EPHB1: variants seen among roughly 807,000 people sequenced by gnomAD.
EPHB1 encodes the protein EPH receptor B1.
Under a neutral mutation model 94.4 loss-of-function variants are expected in EPHB1, and 30 were observed. The ratio of observed to expected loss-of-function variants is 0.32; its 90% CI spans 0.24 to 0.43. The LOEUF is 0.43. Ranked by LOEUF, EPHB1 falls within the 20% of genes least tolerant of loss-of-function variation. The pLI is 1.00. For missense variants in EPHB1, 1,055 were observed against 1,308.3 expected (o/e 0.81, Z 2.99); for synonymous variants, 522 against 489.1 (o/e 1.07, Z -0.89).
At chr3:135,183,595 G>A (rs978817747) in intron 10 of EPHB1, among the ~76,000 whole-genome samples, 1 of 152,212 alleles carries the variant, frequency 6.6e-6, no homozygotes, top group Admixed American at 6.5e-5. Context: ...GTGAGAGGAA[G>A]GCAGTGATTG....
At chr3:135,163,150 T>C (rs1435422841) in intron 7 of EPHB1, among the ~76,000 whole-genome samples, 1 of 152,236 alleles carries the variant, frequency 6.6e-6, no homozygotes, top group Non-Finnish European at 1.5e-5. Flanking sequence ...TTGATAGGGC[T>C]TGAGATTTTA....
chr3:134,796,384 G>A (rs1315245071), intron 1 of EPHB1: 2 of 152,722 alleles, frequency 1.3e-5, no homozygotes, highest in African/African-American at 2.4e-5. Context: ...TGGAACAGGA[G>A]TGGGCTGGGG....
At chr3:134,858,345 TG>T in intron 1 of EPHB1, among the ~76,000 whole-genome samples, 1 of 152,282 alleles carries the variant, frequency 6.6e-6, no homozygotes, top group East Asian at 1.9e-4. Flanking sequence ...TGTGTGTCTG[TG>T]AACACTGGCA....
chr3:134,956,286 T>C (rs1328150023), intron 3 of EPHB1, among the ~76,000 whole-genome samples: 1 of 152,128 alleles, frequency 6.6e-6, no homozygotes, highest in Non-Finnish European at 1.5e-5. Flanking sequence ...TATGCATATG[T>C]GGATCTGTTC....
rs543294375 is a variant in EPHB1 at position 134,894,885 on chromosome 3, GTTTCTCT to G, written c.59-30922_59-30916del. 1.2e-3 allele frequency among the ~76,000 whole-genome samples: 179 copies of G among 152,284 alleles called. No individual in the cohort carries two copies. The South Asian group carries it at 0.012, about 10-fold the overall frequency. On this transcript the variant is annotated intron_variant, in intron 1 of 15. Transcript: ENST00000398015. ...TTCCCCTAACTGGTGTTTTTCTGTG[GTTTCTCT>G]TTTCTCTTCTTTCCTGGGAATGAAG...
intron 2 of EPHB1, among the ~76,000 whole-genome samples, chr3:134,928,482 C>T (rs956352166): frequency 6.6e-6 from 1 of 152,206 alleles, no homozygotes; most frequent in Non-Finnish European, 1.5e-5. Context: ...TAGTTCACTA[C>T]CTGACTCAAT....
chr3:135,121,747 G>A (rs1336579018), intron 4 of EPHB1, among the ~76,000 whole-genome samples: 6 of 152,080 alleles, frequency 3.9e-5, no homozygotes, highest in East Asian at 1.9e-4. Context: ...GGGGCCCTAG[G>A]CAAGGAGATG....
chr3:135,195,483 C>T (rs1559870518), intron 11 of EPHB1, among the ~76,000 whole-genome samples: 2 of 151,204 alleles, frequency 1.3e-5, no homozygotes, highest in South Asian at 2.1e-4. Flanking sequence ...ATCCCTCCCC[C>T]ATCTCCCCAC....
intron 3 of EPHB1, among the ~76,000 whole-genome samples, chr3:135,084,182 A>T (rs773314274): frequency 1.3e-5 from 2 of 152,214 alleles, no homozygotes; most frequent in Non-Finnish European, 2.9e-5. Flanking sequence ...AGTTTATTGC[A>T]AAATATTTAT....
chr3:135,203,829 C>T (rs1329025673), intron 12 of EPHB1, among the ~76,000 whole-genome samples: 2 of 152,106 alleles, frequency 1.3e-5, no homozygotes, highest in Non-Finnish European at 2.9e-5. Context: ...GCCAAGATTA[C>T]TTTTATGAAA....
At chr3:135,107,630 A>G (rs1939271618) in intron 4 of EPHB1, among the ~76,000 whole-genome samples, 1 of 152,202 alleles carries the variant, frequency 6.6e-6, no homozygotes, top group Admixed American at 6.5e-5. Context: ...ATCACAGAAG[A>G]ATATTTCATT....
chr3:135,109,776 C>T (rs1388134599), intron 4 of EPHB1, among the ~76,000 whole-genome samples: 2 of 152,204 alleles, frequency 1.3e-5, no homozygotes, highest in Admixed American at 1.3e-4. Flanking sequence ...GAGAAGCTGC[C>T]GAGCTCGCTG....
chr3:134,926,794 G>T (rs373965602), intron 2 of EPHB1, among the ~76,000 whole-genome samples: 2 of 152,200 alleles, frequency 1.3e-5, no homozygotes, highest in Non-Finnish European at 2.9e-5. Context: ...CAGGATTGTC[G>T]AGAACAGTTG....
At chr3:135,176,132 G>A (rs1160573102) in intron 9 of EPHB1, among the ~76,000 whole-genome samples, 4 of 152,064 alleles carry the variant, frequency 2.6e-5, no homozygotes, top group Non-Finnish European at 4.4e-5. Context: ...GAGATGAGGC[G>A]GATACAGGGG....
chr3:134,843,799 C>G (rs2036819163), intron 1 of EPHB1, among the ~76,000 whole-genome samples: 1 of 152,014 alleles, frequency 6.6e-6, no homozygotes, highest in African/African-American at 2.4e-5. Flanking sequence ...TATACTTTCT[C>G]TAGTTATTTA....
chr3:135,257,955 G>A (rs375104526), intron 15 of EPHB1, among the ~76,000 whole-genome samples: 48 of 152,272 alleles, frequency 3.2e-4, no homozygotes, highest in African/African-American at 4.3e-4. Flanking sequence ...TGCAGTATTC[G>A]GGTGGGAGTG....
rs1280578870 is a variant in EPHB1 at position 135,006,649 on chromosome 3, G to C, written c.805+54597G>C. On this transcript the variant is annotated intron_variant, in intron 3 of 15. Transcript: ENST00000398015. Reference sequence around the variant, plus strand: ...GTTCAAGTGCAGTCTGGGCAACATAGTGAGACACTGTTTCTAAAAAGAGAG... The same window carrying C: ...GTTCAAGTGCAGTCTGGGCAACATACTGAGACACTGTTTCTAAAAAGAGAG... 9.2e-5 allele frequency among the ~76,000 whole-genome samples: 14 copies of C among 152,192 alleles called. No individual in the cohort carries two copies. The East Asian group carries it at 2.5e-3, about 27-fold the overall frequency.
intron 1 of EPHB1, among the ~76,000 whole-genome samples, chr3:134,924,673 A>G (rs1302509892): frequency 6.6e-6 from 1 of 152,238 alleles, no homozygotes; most frequent in Non-Finnish European, 1.5e-5. Context: ...AGGTGAATGA[A>G]TAAACAAATG....
chr3:134,947,738 G>A (rs1560309965), intron 2 of EPHB1, among the ~76,000 whole-genome samples: 3 of 152,188 alleles, frequency 2.0e-5, no homozygotes, highest in Admixed American at 1.3e-4. Context: ...CATTTTCTAA[G>A]ATAAATTTTC....
Sources: gnomAD v4.1 joint callset for allele counts (sites outside exome capture counted in the v4.1 genomes callset) on GRCh38, gnomAD v4.1.1 for gene constraint, MANE v1.5 for transcripts, NCBI Gene and HGNC (gene_info 2026-07-23, HGNC 2026-07-21) for gene names.